The following CRTC1 variants were observed in gnomAD, a reference collection of about 807,000 sequenced individuals.
CRTC1 encodes the protein CREB regulated transcription coactivator 1.
CRTC1 carries 18 observed loss-of-function variants against 66.1 expected under a neutral mutation model. The observed-to-expected ratio is 0.27, with a 90% CI of 0.19 to 0.40. The LOEUF (loss-of-function observed/expected upper bound fraction) is 0.40, where lower values mean the gene tolerates loss of function less well. CRTC1 is among the 10% of genes least tolerant of loss of function. The pLI, the probability that CRTC1 is intolerant of heterozygous loss-of-function variation, is 1.00. For missense variants in CRTC1, 669 were observed against 887.9 expected, an observed-to-expected ratio of 0.75 and a Z score of 3.13; for synonymous variants, 416 against 398.8, an observed-to-expected ratio of 1.04 and a Z score of -0.51.
chr19:18,730,358 C>T (rs913343426), intron 1 of CRTC1, among the ~76,000 whole-genome samples: 4 of 152,134 alleles, frequency 2.6e-5, no homozygotes, highest in South Asian at 4.1e-4. Context: ...CTGCTTCACA[C>T]GCTACCTGGT....
rs376901944 is a variant in CRTC1 at position 18,729,764 on chromosome 19, T to G, written c.127-13146T>G. On this transcript the variant is annotated intron_variant, in intron 1 of 13. Coordinates refer to ENST00000321949, the MANE Select transcript of CRTC1 (RefSeq NM_015321.3). ...TTTAAAAGAATAATAATAATAATAA[T>G]AAGTTGGTTCAGTTTCATTTGCTTG... 7.2e-5 allele frequency among the ~76,000 whole-genome samples: 11 copies of G among 152,006 alleles called. No individual in the cohort carries two copies. The East Asian group carries it at 7.7e-4, about 11-fold the overall frequency.
At chr19:18,689,783 A>C (rs76634940) in intron 1 of CRTC1, among the ~76,000 whole-genome samples, 3,282 of 151,182 alleles carry the variant, frequency 0.022, 61 homozygotes, top group Admixed American at 0.043. Flanking sequence ...GTCGTGAATC[A>C]TGCTGCTGTT....
In CRTC1 at chr19:18,746,933, G is replaced by A. The variant is rs1193451299; in HGVS notation, c.382-120G>A. The A allele has an allele frequency of 4.8e-6, 4 of 835,128 alleles. No homozygotes were observed. In the Admixed American group the frequency reaches 7.6e-5, roughly 16 times the overall value. 51.7% of individuals were successfully genotyped at this position (835,128 alleles called of 1,614,324 possible). On this transcript the variant is annotated intron_variant, in intron 3 of 13. Coordinates refer to ENST00000321949, the MANE Select transcript of CRTC1 (RefSeq NM_015321.3). ...AACGCCCCCCGCCCTACTGGTCCCA[G>A]CTGTTTGCAGGCCTCAGGCCGACCC...
intron 1 of CRTC1, among the ~76,000 whole-genome samples, chr19:18,702,246 G>A (rs1477455869): frequency 6.7e-6 from 1 of 148,532 alleles, no homozygotes; most frequent in Non-Finnish European, 1.5e-5. Flanking sequence ...TTGAGACAAG[G>A]TCTGGCTCTG....
intron 1 of CRTC1, among the ~76,000 whole-genome samples, chr19:18,694,829 A>C (rs1402462333): frequency 6.6e-6 from 1 of 151,904 alleles, no homozygotes; most frequent in Non-Finnish European, 1.5e-5. Context: ...GATCAGCTGC[A>C]GGGGCTGGGG....
chr19:18,691,738 G>A (rs1288137861), intron 1 of CRTC1, among the ~76,000 whole-genome samples: 1 of 151,794 alleles, frequency 6.6e-6, no homozygotes, highest in Admixed American at 6.6e-5. Flanking sequence ...TTTTGAGATG[G>A]AGTCTCACTC....
intron 1 of CRTC1, among the ~76,000 whole-genome samples, chr19:18,711,268 G>A (rs1472466159): frequency 6.6e-6 from 1 of 152,090 alleles, no homozygotes; most frequent in African/African-American, 2.4e-5. Flanking sequence ...GGTCAGCTCA[G>A]CCCACACAGC....
chr19:18,754,305 G>T (rs1323852500), intron 6 of CRTC1, among the ~76,000 whole-genome samples: 1 of 152,156 alleles, frequency 6.6e-6, no homozygotes, highest in Non-Finnish European at 1.5e-5. Context: ...AGGATTACTT[G>T]AGCTCAGGAG....
chr19:18,711,749 G>T (rs531325431), intron 1 of CRTC1, among the ~76,000 whole-genome samples: 3 of 152,110 alleles, frequency 2.0e-5, no homozygotes, highest in African/African-American at 7.2e-5. Context: ...GAAGCTTGAT[G>T]CCAAGGGTCT....
intron 11 of CRTC1, among the ~76,000 whole-genome samples, chr19:18,773,451 C>T (rs1339356484): frequency 2.0e-5 from 3 of 152,152 alleles, no homozygotes; most frequent in African/African-American, 7.2e-5. Context: ...CCTGTGTTCC[C>T]CTGTGTATGC....
At chr19:18,766,287 ATTTTT>A (rs1020411277) in intron 9 of CRTC1, among the ~76,000 whole-genome samples, 1 of 109,680 alleles carries the variant, frequency 9.1e-6, no homozygotes. Context: ...TGCCTGGCTA[ATTTTT>A]TTTTTTTTTT....
At chr19:18,711,938 C>T (rs1481270547) in intron 1 of CRTC1, among the ~76,000 whole-genome samples, 1 of 152,088 alleles carries the variant, frequency 6.6e-6, no homozygotes, top group East Asian at 1.9e-4. Context: ...ACACATATAA[C>T]ATAAAAATTA....
Position 18,777,184 on chromosome 19 carries a change from C to T in CRTC1, c.1707C>T (p.Ser569=), listed in dbSNP as rs1164787870. The part of the protein sequence containing the change: ...PNIILTVTGE[S]PPSLSKELTS... ...CCCATCCCCCAGTGACAGGAGAGTC[C>T]CCCCCCAGCCTCTCTAAAGAACTGA... Residue 569 remains serine, a synonymous_variant, in exon 14 of 14, where the codon TCC becomes TCT. Transcript: ENST00000321949. The surrounding 1 kb of genome is among the most constrained non-coding windows in gnomAD (Gnocchi z 5.5). The T allele has an allele frequency of 6.3e-7, 1 of 1,585,654 alleles. No individual in the cohort carries two copies. The highest frequency in any genetic ancestry group is 2.2e-5 in the East Asian group (1 of 44,508).
intron 1 of CRTC1, among the ~76,000 whole-genome samples, chr19:18,740,731 C>T (rs962634714): frequency 2.0e-5 from 3 of 152,170 alleles, no homozygotes; most frequent in Non-Finnish European, 4.4e-5. Flanking sequence ...AGGCCAGGCG[C>T]GGTGACTCAT....
chr19:18,765,607 C>A, intron 9 of CRTC1, 79 bp downstream of exon 9: 1 of 1,400,462 alleles, frequency 7.1e-7, no homozygotes, highest in Non-Finnish European at 9.6e-7. Context: ...AGAAGGCCTC[C>A]TGTTCCTTCC....
At chr19:18,686,625 C>T (rs2052690107) in intron 1 of CRTC1, among the ~76,000 whole-genome samples, 2 of 152,198 alleles carry the variant, frequency 1.3e-5, no homozygotes, top group South Asian at 2.1e-4. Context: ...CCAGCCTTGG[C>T]AACAGAGTGA....
At chr19:18,723,956 A>G (rs894658468) in intron 1 of CRTC1, among the ~76,000 whole-genome samples, 14 of 152,186 alleles carry the variant, frequency 9.2e-5, no homozygotes, top group Admixed American at 6.5e-5. Context: ...TGGCGTGTTA[A>G]TGGCGATGGC....
At chr19:18,722,600 G>A (rs1233471218) in intron 1 of CRTC1, among the ~76,000 whole-genome samples, 1 of 152,180 alleles carries the variant, frequency 6.6e-6, no homozygotes, top group Admixed American at 6.5e-5. Flanking sequence ...GACTGCTGAC[G>A]GCCACCAGTT....
intron 1 of CRTC1, among the ~76,000 whole-genome samples, chr19:18,726,516 T>TC (rs2053756158): frequency 1.3e-5 from 2 of 152,244 alleles, no homozygotes; most frequent in Non-Finnish European, 2.9e-5. Context: ...AAGTTCATGT[T>TC]CATCCAGAAC....
Sources: allele counts gnomAD v4.1 joint callset (sites outside exome capture counted in the v4.1 genomes callset), GRCh38; gene constraint gnomAD v4.1.1; non-coding constraint Gnocchi (gnomAD v3.1); transcripts MANE v1.5; gene names NCBI Gene and HGNC (gene_info 2026-07-23, HGNC 2026-07-21).